GIGYF2: variants seen among roughly 807,000 people sequenced by gnomAD.
GIGYF2 encodes the protein GRB10 interacting GYF protein 2.
In GIGYF2, 25 loss-of-function variants were observed where a neutral mutation model predicts 208.1. The observed-to-expected ratio is 0.12, with a 90% CI of 0.09 to 0.17. The LOEUF is 0.17. GIGYF2 is among the 10% of genes least tolerant of loss of function. GIGYF2 has a pLI of 1.00. For synonymous variants in GIGYF2, 534 were observed against 543.8 expected (o/e 0.98, Z 0.25); for missense variants, 1,302 against 1,579.4 (o/e 0.82, Z 2.98).
At chr2:232,702,517 A>C (rs1695901758) in intron 1 of GIGYF2, among the ~76,000 whole-genome samples, 2 of 151,986 alleles carry the variant, frequency 1.3e-5, no homozygotes, top group Admixed American at 6.6e-5. Flanking sequence ...TTTAATTGTT[A>C]ATTATTGTTC....
chr2:232,748,323 C>G (rs1396764266), intron 4 of GIGYF2, among the ~76,000 whole-genome samples: 1 of 152,148 alleles, frequency 6.6e-6, no homozygotes, highest in Non-Finnish European at 1.5e-5. Context: ...GGCTCAGTCA[C>G]CCAGGCTGGA....
At chr2:232,823,956 T>C (rs1701174147) in intron 21 of GIGYF2, among the ~76,000 whole-genome samples, 1 of 152,132 alleles carries the variant, frequency 6.6e-6, no homozygotes, top group African/African-American at 2.4e-5. Flanking sequence ...ATGTTTCAGA[T>C]TTTTTTTACT....
At chr2:232,711,727 A>G (rs1316942100) in intron 2 of GIGYF2, among the ~76,000 whole-genome samples, 1 of 141,606 alleles carries the variant, frequency 7.1e-6, no homozygotes. Flanking sequence ...ATATATATAT[A>G]GTTGTAATAG....
intron 2 of GIGYF2, among the ~76,000 whole-genome samples, chr2:232,706,774 T>C (rs1696130811): frequency 6.6e-6 from 1 of 151,648 alleles, no homozygotes; most frequent in African/African-American, 2.4e-5. Flanking sequence ...AGCAAGACTC[T>C]GTCTCAAAAA....
At chr2:232,813,640 C>G (rs942102747) in intron 18 of GIGYF2, among the ~76,000 whole-genome samples, 14 of 152,150 alleles carry the variant, frequency 9.2e-5, no homozygotes, top group Non-Finnish European at 1.9e-4. Flanking sequence ...TTTTCTAGAG[C>G]TGTTGAGCCA....
intron 6 of GIGYF2, among the ~76,000 whole-genome samples, chr2:232,759,416 A>G (rs1339626889): frequency 6.6e-6 from 1 of 151,966 alleles, no homozygotes; most frequent in Non-Finnish European, 1.5e-5. Flanking sequence ...TTTGTTGGGA[A>G]AACTGTACAT....
chr2:232,831,918 C>G (rs1574934699), intron 21 of GIGYF2, among the ~76,000 whole-genome samples: 1 of 152,310 alleles, frequency 6.6e-6, no homozygotes, highest in Non-Finnish European at 1.5e-5. Context: ...ATGGCTACCC[C>G]TAGTTAACAC....
chr2:232,717,991 C>CAT lies in GIGYF2; in HGVS notation c.-44+14504_-44+14505dup, dbSNP rs555949042. Among the ~76,000 whole-genome samples, 365 of 152,216 alleles carry CAT rather than the reference C, an allele frequency of 2.4e-3. 3 individuals carry two copies. Among genetic ancestry groups the CAT allele is most frequent in the African/African-American group, 8.3e-3 (345 of 41,532 alleles). ...TTCTTGAACATCACATAAAAGGAAT[C>CAT]ATACAGTATATATTTTTTTCTAGCC... On this transcript the variant is annotated intron_variant, in intron 2 of 28. Transcript: ENST00000373563.
chr2:232,847,783 A>G (rs911968927), intron 27 of GIGYF2, among the ~76,000 whole-genome samples: 1 of 152,208 alleles, frequency 6.6e-6, no homozygotes, highest in Non-Finnish European at 1.5e-5. Flanking sequence ...ATTTTACACT[A>G]GGTTTACCAG....
At chr2:232,839,765 TC>T in intron 22 of GIGYF2, 83 bp from the exon 23 acceptor site, 1 of 1,351,858 alleles carries the variant, frequency 7.4e-7, no homozygotes, top group Non-Finnish European at 1.1e-6. Flanking sequence ...ATGCATTTGT[TC>T]TGGGTATACA....
intron 6 of GIGYF2, 59 bp downstream of exon 6, chr2:232,756,393 C>T (rs536442085): frequency 2.4e-6 from 2 of 839,440 alleles, no homozygotes; most frequent in Admixed American, 2.6e-5. Context: ...AGAGAACTTA[C>T]TTTTAAAATA....
chr2:232,784,005 C>G (rs1279661661), intron 8 of GIGYF2, among the ~76,000 whole-genome samples: 1 of 152,054 alleles, frequency 6.6e-6, no homozygotes. Context: ...TAGTTTTTTA[C>G]TTGTAGTATC....
At chr2:232,800,582 T>A (rs957700007) in intron 14 of GIGYF2, among the ~76,000 whole-genome samples, 1 of 64,742 alleles carries the variant, frequency 1.5e-5, no homozygotes, top group African/African-American at 6.2e-5. Flanking sequence ...TTTTCTTTTC[T>A]TTTTTTCTTT....
At chr2:232,849,171 A>AAT (rs1690201537) in intron 27 of GIGYF2, among the ~76,000 whole-genome samples, 1 of 151,884 alleles carries the variant, frequency 6.6e-6, no homozygotes, top group African/African-American at 2.4e-5. Context: ...AGGAAAAACA[A>AAT]ATTTTTTTTT....
rs746262552 is a variant in GIGYF2 at position 232,809,784 on chromosome 2, A to G, written c.1871A>G (p.His624Arg). The G allele has an allele frequency of 6.2e-7, 1 of 1,603,540 alleles. No individual in the cohort carries two copies. Among genetic ancestry groups the G allele is most frequent in the Non-Finnish European group, 8.5e-7 (1 of 1,170,326 alleles). The stretch of plus-strand genomic sequence containing the variant: ...CTCACAGCCTTATACCAGATGCAGC[A>G]CCTGCAGTACCAGCAGTTTTTAATA... ...QELTALYQMQ[H>R]LQYQQFLIQQ... The change falls in exon 16 of 29, where the codon CAC becomes CGC. Residue 624 changes from histidine to arginine, a missense_variant. This residue lies in a region of GIGYF2 where 701 missense variants were observed against 793.0 expected (regional missense o/e 0.88). Coordinates refer to ENST00000373563, the MANE Select transcript of GIGYF2 (RefSeq NM_001103146.3).
intron 2 of GIGYF2, among the ~76,000 whole-genome samples, chr2:232,723,759 T>G (rs1697053282): frequency 1.2e-5 from 1 of 82,270 alleles, no homozygotes; most frequent in Non-Finnish European, 2.3e-5. Flanking sequence ...TGAGATGGAG[T>G]TTCGCTCTTG....
rs150472795 is a variant in GIGYF2, at chr2:232,789,375, G to A, written c.713-1323G>A. On this transcript the variant is annotated intron_variant, in intron 9 of 28. Coordinates refer to ENST00000373563, the MANE Select transcript of GIGYF2 (RefSeq NM_001103146.3). ...TAGAAGGATAGATTCCTGTCATGAT[G>A]TACATTTAGACTGTTAGAAATGAAA... is the stretch of plus-strand genomic sequence containing the variant. Among the ~76,000 whole-genome samples the A allele has an allele frequency of 6.2e-4, 95 of 152,266 alleles. 1 individual carries two copies. Among genetic ancestry groups the A allele is most frequent in the Non-Finnish European group, 1.3e-3 (87 of 68,024 alleles).
intron 14 of GIGYF2, among the ~76,000 whole-genome samples, chr2:232,800,110 A>C (rs1267437907): frequency 6.9e-6 from 1 of 145,638 alleles, no homozygotes; most frequent in Non-Finnish European, 1.5e-5. Flanking sequence ...CTTGTCATGC[A>C]CTTTTTTTTT....
At chr2:232,773,809 G>C (rs749823671) in intron 8 of GIGYF2, among the ~76,000 whole-genome samples, 1 of 150,982 alleles carries the variant, frequency 6.6e-6, no homozygotes, top group African/African-American at 2.4e-5. Flanking sequence ...TATTAAAAAC[G>C]TGTCTGGCTC....
Sources: allele counts gnomAD v4.1 joint callset (sites outside exome capture counted in the v4.1 genomes callset), GRCh38; gene constraint gnomAD v4.1.1; regional missense constraint gnomAD v4.1.1; transcripts MANE v1.5; gene names NCBI Gene and HGNC (gene_info 2026-07-23, HGNC 2026-07-21).